Variants in TEAD1 observed in about 807,000 individuals in gnomAD.
TEAD1 encodes the protein transcriptional enhancer factor TEF-1.
Under a neutral mutation model 54.9 loss-of-function variants are expected in TEAD1, and 9 were observed. That is an observed-to-expected ratio of 0.16 (90% CI 0.10 to 0.29). The LOEUF is 0.29. Ranked by LOEUF, TEAD1 falls within the 10% of genes least tolerant of loss-of-function variation. The pLI is 1.00. For synonymous variants in TEAD1, 200 were observed against 187.8 expected (o/e 1.07, Z -0.53); for missense variants, 387 against 535.9 (o/e 0.72, Z 2.74).
chr11:12,685,250 C>A (rs373068962), intron 2 of TEAD1, among the ~76,000 whole-genome samples: 1 of 152,220 alleles, frequency 6.6e-6, no homozygotes, highest in East Asian at 1.9e-4. Flanking sequence ...AAAATGAAGA[C>A]TTATTGAGGG....
At chr11:12,923,800 G>A (rs1299162213) in intron 10 of TEAD1, among the ~76,000 whole-genome samples, 1 of 152,198 alleles carries the variant, frequency 6.6e-6, no homozygotes, top group Non-Finnish European at 1.5e-5. Flanking sequence ...CCATATGCAA[G>A]GGCAGAGGCT....
Position 12,925,037 on chromosome 11 carries a change from A to G in TEAD1, c.999A>G (p.Val333=), listed in dbSNP as rs1948882160. ...AAGTTTGCTCCTTTGGGAAGCAAGT[A>G]GTAGAAAAAGTAGAGGTAAGTTGGC... is the stretch of plus-strand genomic sequence containing the variant. The change falls in exon 11 of 13, where the codon GTA becomes GTG. Residue 333 remains valine, a synonymous_variant. Coordinates refer to ENST00000527636, the MANE Select transcript of TEAD1 (RefSeq NM_021961.6). 1 of 1,614,170 alleles carries G rather than the reference A, an allele frequency of 6.2e-7. No individual in the cohort carries two copies. Among genetic ancestry groups the G allele is most frequent in the Non-Finnish European group, 8.5e-7 (1 of 1,180,038 alleles).
intron 2 of TEAD1, among the ~76,000 whole-genome samples, chr11:12,751,926 A>G (rs1944879245): frequency 1.3e-5 from 2 of 152,202 alleles, no homozygotes; most frequent in Admixed American, 6.5e-5. Context: ...AGTAAAGGAA[A>G]GGCCAATGGC....
Position 12,781,659 on chromosome 11 carries a change from CAG to C in TEAD1, c.202+17227_202+17228del, listed in dbSNP as rs780089421. ...ATGGCTATCATTAAAAAAAAAAAAA[CAG>C]ACAATAACAAGTGTTAGGGAGGATG... On this transcript the variant is annotated intron_variant, in intron 3 of 12. Coordinates refer to ENST00000527636, the MANE Select transcript of TEAD1 (RefSeq NM_021961.6). Among the ~76,000 whole-genome samples, 369 of 138,290 alleles carry C rather than the reference CAG, an allele frequency of 2.7e-3. 1 individual carries two copies. The highest frequency in any genetic ancestry group is 4.2e-3 in the Non-Finnish European group (266 of 63,744). The allele number at this position is 138,290 out of a possible 152,430, so 90.7% of individuals were successfully genotyped here.
intron 11 of TEAD1, among the ~76,000 whole-genome samples, chr11:12,926,211 A>G (rs1467381949): frequency 1.3e-5 from 2 of 152,186 alleles, no homozygotes; most frequent in Non-Finnish European, 2.9e-5. Context: ...GGAGAAGGAT[A>G]TATTTCTTAA....
chr11:12,914,634 T>C (rs1246713799), intron 10 of TEAD1, among the ~76,000 whole-genome samples: 2 of 152,240 alleles, frequency 1.3e-5, no homozygotes, highest in Non-Finnish European at 1.5e-5. Context: ...CAGAAGGCAC[T>C]TGCCTGCAAA....
chr11:12,703,464 C>A (rs1273317006), intron 2 of TEAD1, among the ~76,000 whole-genome samples: 1 of 152,146 alleles, frequency 6.6e-6, no homozygotes, highest in Non-Finnish European at 1.5e-5. Context: ...GTTTTGCCTG[C>A]CCAAGCCTCC....
At chr11:12,837,757 C>T (rs1946932175) in intron 3 of TEAD1, among the ~76,000 whole-genome samples, 1 of 120,326 alleles carries the variant, frequency 8.3e-6, no homozygotes, top group Non-Finnish European at 1.6e-5. Flanking sequence ...TCCTCCTCTT[C>T]CTCTTCTTCT....
At position 12,887,097 on chromosome 11, in the gene TEAD1, G is replaced by GTT. The variant is rs150663285; in HGVS notation, c.699+3985_699+3986dup. On this transcript the variant is annotated intron_variant, in intron 9 of 12. Coordinates refer to ENST00000527636, the MANE Select transcript of TEAD1 (RefSeq NM_021961.6). Reference sequence around the variant, plus strand: ...AGTTTTTTTGTTTTTTTTTTTGTTTGTTTTTTTTTTTTTTGGAGACACAGA... The same window carrying GTT: ...AGTTTTTTTGTTTTTTTTTTTGTTTGTTTTTTTTTTTTTTTTGGAGACACAGA... Among the ~76,000 whole-genome samples the GTT allele has an allele frequency of 5.5e-4, 62 of 112,802 alleles. 1 individual carries two copies. Among genetic ancestry groups the GTT allele is most frequent in the African/African-American group, 1.9e-3 (54 of 28,998 alleles). 74.0% of individuals were successfully genotyped at this position (112,802 alleles called of 152,430 possible).
intron 2 of TEAD1, among the ~76,000 whole-genome samples, chr11:12,744,258 G>A (rs1944703493): frequency 2.0e-5 from 3 of 152,134 alleles, no homozygotes; most frequent in South Asian, 2.1e-4. Context: ...CCAGTCTATC[G>A]GTGGCCTTGA....
chr11:12,747,278 G>GT (rs374111949), intron 2 of TEAD1, among the ~76,000 whole-genome samples: 25 of 152,184 alleles, frequency 1.6e-4, no homozygotes, highest in African/African-American at 6.0e-4. Flanking sequence ...AGTATAGCAG[G>GT]GAAGAAGGTG....
At chr11:12,792,505 C>T (rs1006983548) in intron 3 of TEAD1, among the ~76,000 whole-genome samples, 1 of 152,090 alleles carries the variant, frequency 6.6e-6, no homozygotes, top group South Asian at 2.1e-4. Context: ...GTATGCTAAC[C>T]GCTGACACTT....
intron 2 of TEAD1, among the ~76,000 whole-genome samples, chr11:12,762,880 G>C (rs1012717514): frequency 6.6e-6 from 1 of 152,114 alleles, no homozygotes; most frequent in African/African-American, 2.4e-5. Flanking sequence ...CCTGGTGCCA[G>C]GTGTGGCCAC....
In TEAD1 at chr11:12,817,017, C is replaced by T. The variant is rs145256115; in HGVS notation, c.203-45233C>T. 3.3e-3 allele frequency among the ~76,000 whole-genome samples: 496 copies of T among 152,320 alleles called. 1 individual carries two copies. The highest frequency in any genetic ancestry group is 5.6e-3 in the Admixed American group (85 of 15,304). On this transcript the variant is annotated intron_variant, in intron 3 of 12. Transcript: ENST00000527636. The stretch of plus-strand genomic sequence containing the variant: ...AAAGCCGAGGCGAGGTTTATGCACA[C>T]TGCCCAATTGAAATGTGTCTCATGT...
chr11:12,793,065 AAAAAC>A (rs956473498), intron 3 of TEAD1, among the ~76,000 whole-genome samples: 5 of 152,174 alleles, frequency 3.3e-5, no homozygotes, highest in South Asian at 2.1e-4. Flanking sequence ...GTCTCTTTAA[AAAAAC>A]AAAACAAAAC....
chr11:12,919,143 T>C (rs889589737), intron 10 of TEAD1, among the ~76,000 whole-genome samples: 2 of 152,258 alleles, frequency 1.3e-5, no homozygotes, highest in African/African-American at 4.8e-5. Context: ...TTTGACAGCT[T>C]TAAAACATGT....
rs866148075 is a variant in TEAD1 at position 12,776,890 on chromosome 11, G to A, written c.202+12456G>A. On this transcript the variant is annotated intron_variant, in intron 3 of 12. Coordinates refer to ENST00000527636, the MANE Select transcript of TEAD1 (RefSeq NM_021961.6). ...TCTCACTGCAACCTCCACCTCCCGG[G>A]TTCAAGTGATTCTCCTGCCTCAGCC... 1.3e-4 allele frequency among the ~76,000 whole-genome samples: 20 copies of A among 151,788 alleles called. No homozygotes were observed. The South Asian group carries it at 3.1e-3, about 24-fold the overall frequency.
intron 9 of TEAD1, among the ~76,000 whole-genome samples, chr11:12,892,935 G>A (rs1282296683): frequency 6.6e-6 from 1 of 152,182 alleles, no homozygotes; most frequent in Non-Finnish European, 1.5e-5. Flanking sequence ...CAGCATCTGT[G>A]CAGCTCTGTG....
chr11:12,798,453 G>T (rs904573731), intron 3 of TEAD1, among the ~76,000 whole-genome samples: 1 of 152,172 alleles, frequency 6.6e-6, no homozygotes, highest in African/African-American at 2.4e-5. Flanking sequence ...TAAAGACAGG[G>T]CTCCATTGGT....
Sources: gnomAD v4.1 joint callset for allele counts (sites outside exome capture counted in the v4.1 genomes callset) on GRCh38, gnomAD v4.1.1 for gene constraint, MANE v1.5 for transcripts, NCBI Gene and HGNC (gene_info 2026-07-23, HGNC 2026-07-21) for gene names.